EML6: variants seen among roughly 807,000 people sequenced by gnomAD.
The protein encoded by EML6 is EMAP like 6.
A neutral mutation model predicts 240.1 loss-of-function variants in EML6; 154 were observed. That is an observed-to-expected ratio of 0.64 (90% CI 0.56 to 0.73). The LOEUF is 0.73. EML6 is among the 30% of genes least tolerant of loss of function. EML6 has a pLI of 0.00. For missense variants in EML6, 2,964 were observed against 2,474.6 expected, an observed-to-expected ratio of 1.20 and a Z score of -4.20; for synonymous variants, 1,148 against 899.0, an observed-to-expected ratio of 1.28 and a Z score of -4.95.
intron 2 of EML6, among the ~76,000 whole-genome samples, chr2:54,807,674 G>C (rs552738812): frequency 6.6e-6 from 1 of 152,284 alleles, no homozygotes; most frequent in African/African-American, 2.4e-5. Context: ...CACAACTATA[G>C]ACAACAGTGA....
At chr2:54,933,309 ATGTAATCACTTCACCTCTC>A (rs1425841058) in intron 28 of EML6, among the ~76,000 whole-genome samples, 1 of 152,300 alleles carries the variant, frequency 6.6e-6, no homozygotes, top group East Asian at 1.9e-4. Context: ...TAGACTAGCA[ATGTAATCACTTCACCTCTC>A]TGTAATCACT....
At chr2:54,956,195 G>A (rs1166325776) in intron 32 of EML6, among the ~76,000 whole-genome samples, 1 of 152,120 alleles carries the variant, frequency 6.6e-6, no homozygotes, top group East Asian at 1.9e-4. Flanking sequence ...ATTAAAACAA[G>A]GAAAATATAA....
At chr2:54,877,608 A>G (rs997854867) in intron 16 of EML6, among the ~76,000 whole-genome samples, 1 of 152,372 alleles carries the variant, frequency 6.6e-6, no homozygotes, top group Admixed American at 6.5e-5. Flanking sequence ...GTCATTACCA[A>G]TTCCTTCTCC....
rs1482067694 is a variant in EML6 at position 54,774,301 on chromosome 2, C to G, written c.198-38931C>G. 2.0e-5 allele frequency among the ~76,000 whole-genome samples: 3 copies of G among 152,130 alleles called. No individual in the cohort carries two copies. The highest frequency in any genetic ancestry group is 7.2e-5 in the African/African-American group (3 of 41,414). On this transcript the variant is annotated intron_variant, in intron 2 of 41. Transcript: ENST00000356458. The surrounding 1 kb of genome is among the most constrained non-coding windows in gnomAD (Gnocchi z 4.1). ...TGGAAGGGAGGGCAGAGAGAGAAGT[C>G]AGGATACTATGCAGGCTCCACAGGA... is the stretch of plus-strand genomic sequence containing the variant.
chr2:54,953,208 G>A (rs1676065964), intron 31 of EML6, among the ~76,000 whole-genome samples: 2 of 152,164 alleles, frequency 1.3e-5, no homozygotes, highest in East Asian at 3.9e-4. Flanking sequence ...TGATGCTGGT[G>A]TTGAGTGCTT....
intron 25 of EML6, among the ~76,000 whole-genome samples, chr2:54,912,496 A>G (rs768279194): frequency 2.6e-5 from 4 of 152,168 alleles, no homozygotes; most frequent in Non-Finnish European, 5.9e-5. Context: ...ACTGGCATAC[A>G]AATTATTGCA....
At chr2:54,904,543 A>C (rs1046527027) in intron 24 of EML6, among the ~76,000 whole-genome samples, 1 of 152,184 alleles carries the variant, frequency 6.6e-6, no homozygotes, top group Non-Finnish European at 1.5e-5. Context: ...TAGCGCTATC[A>C]AGGAAGAGCC....
At chr2:54,935,998 C>A (rs1675115773) in intron 28 of EML6, among the ~76,000 whole-genome samples, 1 of 152,206 alleles carries the variant, frequency 6.6e-6, no homozygotes, top group African/African-American at 2.4e-5. Flanking sequence ...CCAGTGCACT[C>A]CAGCCTGGCC....
chr2:54,970,179 C>T lies in EML6; in HGVS notation c.*84C>T. ...CCATGCTGAGGTGCCTCCTTGCCAC[C>T]AGCCGTTGGGAAATGCCTACCATGC... On this transcript the variant is annotated 3_prime_UTR_variant, in exon 42 of 42. Transcript: ENST00000356458. 7.2e-7 allele frequency: 1 copy of T among 1,389,636 alleles called. No individual in the cohort carries two copies. Among genetic ancestry groups the T allele is most frequent in the Non-Finnish European group, 1.0e-6 (1 of 1,000,166 alleles). 86.1% of individuals were successfully genotyped at this position (1,389,636 alleles called of 1,614,324 possible). A position where few individuals can be genotyped will look rare whatever the true frequency, so the allele number is the denominator to read the frequency against.
intron 28 of EML6, among the ~76,000 whole-genome samples, chr2:54,946,822 T>C (rs868006149): frequency 6.6e-6 from 1 of 152,006 alleles, no homozygotes; most frequent in Non-Finnish European, 1.5e-5. Context: ...CTTGCTCCTC[T>C]CATCTTCAGT....
chr2:54,942,850 C>T (rs558842445), intron 28 of EML6, among the ~76,000 whole-genome samples: 4 of 152,288 alleles, frequency 2.6e-5, no homozygotes, highest in Admixed American at 1.3e-4. Flanking sequence ...CAAATAAGTG[C>T]CTAGACACCT....
rs923029291 is a variant in EML6 at position 54,971,660 on chromosome 2, T to A, written c.*1565T>A. 6.6e-6 allele frequency: 1 copy of A among 152,210 alleles called. No individual in the cohort carries two copies. Among genetic ancestry groups the A allele is most frequent in the Admixed American group, 6.5e-5 (1 of 15,278 alleles). 9.4% of individuals were successfully genotyped at this position (152,210 alleles called of 1,614,324 possible). A position where few individuals can be genotyped will look rare whatever the true frequency, so the allele number is the denominator to read the frequency against. ...TGTTGGGCCCGCAGTAGAGTCCCTA[T>A]GCAGTCCCAATTCTGTTTTCTGTAA... On this transcript the variant is annotated 3_prime_UTR_variant, in exon 42 of 42. Transcript: ENST00000356458.
intron 36 of EML6, 81 bp from the exon 37 acceptor site, chr2:54,963,905 C>T: frequency 1.5e-6 from 2 of 1,376,040 alleles, no homozygotes; most frequent in Non-Finnish European, 1.9e-6. Flanking sequence ...AGCCTGACTT[C>T]TCTGGCCTGG....
intron 38 of EML6, among the ~76,000 whole-genome samples, chr2:54,965,603 CCAGGAG>C (rs1287599119): frequency 6.6e-6 from 1 of 152,078 alleles, no homozygotes; most frequent in Non-Finnish European, 1.5e-5. Flanking sequence ...AGCCAGTGAA[CCAGGAG>C]TGCTAATTGG....
At chr2:54,914,986 T>C (rs1673833418) in intron 25 of EML6, among the ~76,000 whole-genome samples, 1 of 152,210 alleles carries the variant, frequency 6.6e-6, no homozygotes, top group East Asian at 1.9e-4. Flanking sequence ...ACTGCAGTGA[T>C]GTAACCTGTC....
intron 7 of EML6, among the ~76,000 whole-genome samples, chr2:54,840,928 T>G (rs1053730636): frequency 6.6e-5 from 10 of 152,228 alleles, no homozygotes; most frequent in Non-Finnish European, 1.5e-4. Flanking sequence ...ATTAAACCCT[T>G]TGTGTAATAA....
chr2:54,835,195 A>T (rs1669077067), intron 7 of EML6, among the ~76,000 whole-genome samples: 1 of 152,176 alleles, frequency 6.6e-6, no homozygotes, highest in Non-Finnish European at 1.5e-5. Flanking sequence ...AAGTATTCCA[A>T]ATCCCCTTCT....
chr2:54,893,010 A>G (rs1313632156), intron 19 of EML6, among the ~76,000 whole-genome samples: 1 of 152,178 alleles, frequency 6.6e-6, no homozygotes, highest in Non-Finnish European at 1.5e-5. Context: ...CACAATGGGC[A>G]GAGACCTGAA....
rs963003043 is a variant in EML6 at position 54,971,895 on chromosome 2, T to A, written c.*1800T>A. ...TTTATATGGTATGATTTTGATTTTATGTATGTTCATAAATCCTGCACTGTA... is the reference window on the plus strand; with the variant it reads ...TTTATATGGTATGATTTTGATTTTAAGTATGTTCATAAATCCTGCACTGTA... On this transcript the variant is annotated 3_prime_UTR_variant, in exon 42 of 42. Coordinates refer to ENST00000356458, the MANE Select transcript of EML6 (RefSeq NM_001039753.4). The A allele has an allele frequency of 6.6e-6, 1 of 152,262 alleles. No individual in the cohort carries two copies. The highest frequency in any genetic ancestry group is 1.5e-5 in the Non-Finnish European group (1 of 68,044). The allele number at this position is 152,262 out of a possible 1,614,324, so 9.4% of individuals were successfully genotyped here.
Sources: gnomAD v4.1 joint callset for allele counts (sites outside exome capture counted in the v4.1 genomes callset) on GRCh38, gnomAD v4.1.1 for gene constraint, Gnocchi (gnomAD v3.1) non-coding constraint, MANE v1.5 for transcripts, NCBI Gene and HGNC (gene_info 2026-07-23, HGNC 2026-07-21) for gene names.